Variants in EPG5 observed in about 807,000 individuals in gnomAD.
EPG5 encodes ectopic P-granules 5 autophagy tethering factor.
EPG5 carries 159 observed loss-of-function variants against 302.7 expected under a neutral mutation model. The observed-to-expected ratio is 0.53, with a 90% CI of 0.46 to 0.60. The LOEUF is 0.60. Ranked by LOEUF, EPG5 falls within the 20% of genes least tolerant of loss-of-function variation. EPG5 has a pLI of 0.00. For synonymous variants in EPG5, 1,158 were observed against 1,136.8 expected (o/e 1.02, Z -0.37); for missense variants, 2,896 against 3,092.4 (o/e 0.94, Z 1.51).
chr18:45,889,230 T>C (rs1489045015), intron 28 of EPG5, among the ~76,000 whole-genome samples: 4 of 152,196 alleles, frequency 2.6e-5, no homozygotes, highest in Non-Finnish European at 5.9e-5. Context: ...AGTCATGTCA[T>C]GGTGGCTTTG....
At chr18:45,919,714 G>T (rs1193853714) in intron 16 of EPG5, among the ~76,000 whole-genome samples, 2 of 151,850 alleles carry the variant, frequency 1.3e-5, no homozygotes, top group Non-Finnish European at 1.5e-5. Context: ...GGGTTTCACC[G>T]TGTTAGCCAG....
intron 15 of EPG5, among the ~76,000 whole-genome samples, 182 bp downstream of exon 15, chr18:45,923,086 T>C (rs576726476): frequency 1.3e-5 from 2 of 152,386 alleles, no homozygotes; most frequent in South Asian, 2.1e-4. Flanking sequence ...AGAATAGTTA[T>C]ATACAGGCTA....
intron 41 of EPG5, 23 bp from the exon 42 acceptor site, chr18:45,858,091 A>G: frequency 6.3e-7 from 1 of 1,587,580 alleles, no homozygotes; most frequent in Non-Finnish European, 8.6e-7. Flanking sequence ...CCGGAGGAAA[A>G]TAAAATTAGA....
chr18:45,935,037 G>A, intron 10 of EPG5, 71 bp from the exon 11 acceptor site: 2 of 1,433,220 alleles, frequency 1.4e-6, no homozygotes, highest in Non-Finnish European at 1.9e-6. Flanking sequence ...CAAACCATTG[G>A]CTCTCAAGGA....
At chr18:45,961,742 C>T (rs1194138791) in intron 1 of EPG5, among the ~76,000 whole-genome samples, 2 of 151,820 alleles carry the variant, frequency 1.3e-5, no homozygotes, top group Admixed American at 1.3e-4. Context: ...CCTGTAATCC[C>T]AGCTACTCAG....
chr18:45,956,906 T>C (rs1424519171), intron 1 of EPG5, among the ~76,000 whole-genome samples: 1 of 147,752 alleles, frequency 6.8e-6, no homozygotes, highest in East Asian at 2.0e-4. Flanking sequence ...CACTAAAAAA[T>C]AAGTTATGGT....
the EPG5 span, among the ~76,000 whole-genome samples, chr18:45,832,758 T>TTGTA: frequency 6.6e-6 from 1 of 152,202 alleles, no homozygotes; most frequent in Non-Finnish European, 1.5e-5. Flanking sequence ...CAGACAGGCA[T>TTGTA]AAGCTGCCAG....
the EPG5 span, among the ~76,000 whole-genome samples, chr18:45,833,515 G>A: frequency 6.6e-6 from 1 of 152,042 alleles, no homozygotes; most frequent in Non-Finnish European, 1.5e-5. Flanking sequence ...GTTTTACCAT[G>A]TTAGCCAGGC....
chr18:45,885,567 A>T (rs774306164), intron 29 of EPG5, among the ~76,000 whole-genome samples: 1 of 152,162 alleles, frequency 6.6e-6, no homozygotes, highest in Non-Finnish European at 1.5e-5. Context: ...TATAATCAAG[A>T]TGACGTCATC....
At chr18:45,862,447 T>C (rs531521377) in intron 39 of EPG5, among the ~76,000 whole-genome samples, 1 of 152,194 alleles carries the variant, frequency 6.6e-6, no homozygotes, top group Non-Finnish European at 1.5e-5. Flanking sequence ...CCACCAAATC[T>C]CATGTTGAAC....
At chr18:45,876,112 A>G (rs1460834769) in intron 35 of EPG5, 124 bp downstream of exon 35, 3 of 659,194 alleles carry the variant, frequency 4.6e-6, no homozygotes, top group Non-Finnish European at 7.9e-6. Context: ...TGTATCAGCG[A>G]CTTTTCTTCA....
intron 30 of EPG5, among the ~76,000 whole-genome samples, chr18:45,882,782 C>A (rs1599484988): frequency 6.6e-6 from 1 of 152,012 alleles, no homozygotes; most frequent in South Asian, 2.1e-4. Flanking sequence ...CCAAGGCAGG[C>A]TGATCACCTG....
At chr18:45,921,156 C>G (rs1191508447) in intron 16 of EPG5, among the ~76,000 whole-genome samples, 1 of 152,214 alleles carries the variant, frequency 6.6e-6, no homozygotes, top group Non-Finnish European at 1.5e-5. Flanking sequence ...ATCATCTCAA[C>G]AAAACTGTCA....
chr18:45,840,563 CT>C, the EPG5 span, among the ~76,000 whole-genome samples: 2 of 152,218 alleles, frequency 1.3e-5, no homozygotes, highest in African/African-American at 2.4e-5. Flanking sequence ...CCGTTCCCCC[CT>C]GGCACTCTGC....
chr18:45,945,299 T>C (rs1393407148), intron 7 of EPG5, among the ~76,000 whole-genome samples: 1 of 152,182 alleles, frequency 6.6e-6, no homozygotes, highest in Non-Finnish European at 1.5e-5. Flanking sequence ...CTTTTAACTA[T>C]TTGGATGTCT....
intron 34 of EPG5, among the ~76,000 whole-genome samples, chr18:45,877,050 C>T (rs929861966): frequency 6.6e-6 from 1 of 152,050 alleles, no homozygotes; most frequent in African/African-American, 2.4e-5. Context: ...TCCCAAAGTA[C>T]TGGGTTTACA....
chr18:45,879,113 A>G lies in EPG5; in HGVS notation c.5769T>C (p.Tyr1923=), dbSNP rs756340810. The change falls in exon 33 of 44, where the codon TAT becomes TAC. Residue 1923 remains tyrosine (Y), a synonymous_variant. Transcript: ENST00000282041. ...SFGLFSKWSP[Y]MADVKTFLGY... is the part of the protein sequence containing the mutation. ...CCAAGAATGTCTTCACATCAGCCAT[A>G]TAAGGACTCCATTTTGAGAATAAAC... 6.2e-7 allele frequency: 1 copy of G among 1,614,196 alleles called. No individual in the cohort carries two copies. Among genetic ancestry groups the G allele is most frequent in the Non-Finnish European group, 8.5e-7 (1 of 1,180,022 alleles).
intron 11 of EPG5, 50 bp from the exon 12 acceptor site, chr18:45,930,880 T>A: frequency 1.4e-6 from 2 of 1,466,560 alleles, no homozygotes; most frequent in South Asian, 1.3e-5. Flanking sequence ...TAAATTTATA[T>A]CTTTTAATCA....
intron 36 of EPG5, 60 bp from the exon 37 acceptor site, chr18:45,867,808 T>C: frequency 7.1e-7 from 1 of 1,407,242 alleles, no homozygotes; most frequent in Non-Finnish European, 9.8e-7. Context: ...ATCTGGAAAA[T>C]GTATGTAAAT....
Sources: allele counts gnomAD v4.1 joint callset (sites outside exome capture counted in the v4.1 genomes callset), GRCh38; gene constraint gnomAD v4.1.1; transcripts MANE v1.5; gene names NCBI Gene and HGNC (gene_info 2026-07-23, HGNC 2026-07-21).